The following KIAA0825 variants were observed in gnomAD, a reference collection of about 807,000 sequenced individuals.
The protein encoded by KIAA0825 is uncharacterized protein KIAA0825.
In KIAA0825, 119 loss-of-function variants were observed where a neutral mutation model predicts 147.6. The observed-to-expected ratio is 0.81, with a 90% CI of 0.69 to 0.94. KIAA0825 has a LOEUF of 0.94. KIAA0825 is among the 40% of genes least tolerant of loss of function. KIAA0825 has a pLI of 0.00. For synonymous variants in KIAA0825, 470 were observed against 518.1 expected (o/e 0.91, Z 1.26); for missense variants, 1,381 against 1,472.7 (o/e 0.94, Z 1.02).
chr5:94,370,881 G>A (rs1584285499), intron 20 of KIAA0825, among the ~76,000 whole-genome samples: 1 of 152,200 alleles, frequency 6.6e-6, no homozygotes, highest in South Asian at 2.1e-4. Flanking sequence ...CTGCACTCCA[G>A]CTTGGGCGAC....
intron 3 of KIAA0825, among the ~76,000 whole-genome samples, chr5:94,529,357 TATATC>T (rs1770231215): frequency 1.4e-5 from 2 of 146,190 alleles, no homozygotes; most frequent in East Asian, 1.9e-4. Flanking sequence ...CATATATGTA[TATATC>T]ATATATGTAT....
chr5:94,176,976 C>T (rs1442380930), intron 20 of KIAA0825, among the ~76,000 whole-genome samples: 1 of 152,030 alleles, frequency 6.6e-6, no homozygotes, highest in Non-Finnish European at 1.5e-5. Flanking sequence ...TATTTAAAAG[C>T]ACAACAGGGA....
chr5:94,550,356 G>A (rs1186146125), intron 2 of KIAA0825, among the ~76,000 whole-genome samples: 2 of 152,192 alleles, frequency 1.3e-5, no homozygotes, highest in South Asian at 2.1e-4. Flanking sequence ...ACTGAACATA[G>A]ATTACACTAC....
intron 20 of KIAA0825, among the ~76,000 whole-genome samples, chr5:94,331,367 T>C (rs1015879389): frequency 6.6e-6 from 1 of 152,150 alleles, no homozygotes; most frequent in Non-Finnish European, 1.5e-5. Flanking sequence ...AAACAACTCA[T>C]TCAAGAAGTA....
chr5:94,194,392 T>C (rs369953990), intron 20 of KIAA0825, among the ~76,000 whole-genome samples: 4 of 152,132 alleles, frequency 2.6e-5, no homozygotes, highest in African/African-American at 7.2e-5. Flanking sequence ...TCTCTCTCAC[T>C]GGGATCTCAC....
Position 94,151,144 on chromosome 5 carries a change from G to A in KIAA0825, c.*2863C>T, listed in dbSNP as rs563200060. On this transcript the variant is annotated 3_prime_UTR_variant, in exon 21 of 21. Coordinates refer to ENST00000682413, the MANE Select transcript of KIAA0825 (RefSeq NM_001145678.3). ...TATACTTAAAAAAACATGGCCGGGC[G>A]CGGTGGCTCACGCCTGTAATCCCAG... Among the ~76,000 whole-genome samples the A allele has an allele frequency of 4.6e-5, 7 of 152,088 alleles. No individual in the cohort carries two copies. In the South Asian group the frequency reaches 1.2e-3, roughly 27 times the overall value.
intron 20 of KIAA0825, among the ~76,000 whole-genome samples, chr5:94,159,098 TTACCTCATGGTCCCA>T (rs1483039790): frequency 1.2e-4 from 19 of 152,144 alleles, no homozygotes; most frequent in African/African-American, 3.9e-4. Context: ...CTCTTGTCCT[TTACCTCATGGTCCCA>T]ATACAGTTGT....
intron 2 of KIAA0825, chr5:94,569,746 C>A: frequency 3.5e-6 from 1 of 282,420 alleles, no homozygotes; most frequent in South Asian, 1.5e-4. Context: ...TCGCCCACAT[C>A]ACCTGAGACG....
At chr5:94,171,514 G>A (rs1469360713) in intron 20 of KIAA0825, among the ~76,000 whole-genome samples, 1 of 152,124 alleles carries the variant, frequency 6.6e-6, no homozygotes, top group Non-Finnish European at 1.5e-5. Flanking sequence ...TGTTTATCAT[G>A]TTTACCACAT....
intron 20 of KIAA0825, among the ~76,000 whole-genome samples, chr5:94,286,789 C>T (rs989727196): frequency 2.0e-5 from 3 of 152,216 alleles, no homozygotes; most frequent in Non-Finnish European, 2.9e-5. Context: ...TTGTGCCACA[C>T]GGAGCTGTCT....
In KIAA0825 at chr5:94,473,325, A is replaced by C. The variant is rs1016237532; in HGVS notation, c.1422T>G (p.Phe474Leu). Residue 474 changes from phenylalanine to leucine, a missense_variant, in exon 8 of 21, where the codon TTT becomes TTG. Transcript: ENST00000682413. ...TTTTCTTTGGTTGTTCCTCCTCAGG[A>C]AACATATGGCTGTCTTGCCAAACTT... Reference protein sequence around the residue: ...VQQVWQDSHMFPEEEQPKKIG... With the variant: ...VQQVWQDSHMLPEEEQPKKIG... The C allele has an allele frequency of 6.4e-7, 1 of 1,551,826 alleles. No homozygotes were observed. The highest frequency in any genetic ancestry group is 1.4e-5 in the African/African-American group (1 of 73,176).
At position 94,512,827 on chromosome 5, in the gene KIAA0825, C is replaced by T. The variant is rs939745338; in HGVS notation, c.970+7421G>A. ...AGGAGAATCGCTTTTACCTGGGAGG[C>T]GAAGGTTGCAGTGAGCTGAGATCGC... On this transcript the variant is annotated intron_variant, in intron 5 of 20. Transcript: ENST00000682413. 5.3e-5 allele frequency among the ~76,000 whole-genome samples: 8 copies of T among 152,024 alleles called. No individual in the cohort carries two copies. In the South Asian group the frequency reaches 1.0e-3, roughly 20 times the overall value.
At position 94,602,300 on chromosome 5, in the gene KIAA0825, G is replaced by A. The variant is rs150229117; in HGVS notation, c.-153+16200C>T. Among the ~76,000 whole-genome samples, 988 of 151,886 alleles carry A rather than the reference G, an allele frequency of 6.5e-3. 30 individuals carry two copies. The highest frequency in any genetic ancestry group is 0.041 in the East Asian group (210 of 5,158). On this transcript the variant is annotated intron_variant, in intron 1 of 20. Coordinates refer to ENST00000682413, the MANE Select transcript of KIAA0825 (RefSeq NM_001145678.3). ...TGGGAGGCGGAGCTTGCAGTGAGCC[G>A]AGATCGTGCCACTGCACTCCAGCCT...
chr5:94,403,933 T>C, intron 15 of KIAA0825, 140 bp from the exon 16 acceptor site: 1 of 636,818 alleles, frequency 1.6e-6, no homozygotes, highest in Non-Finnish European at 2.7e-6. Flanking sequence ...AATCATATGA[T>C]TGATAACCAC....
rs956556612 is a variant in KIAA0825 at position 94,496,599 on chromosome 5, C to T, written c.971-11669G>A. ...TGTACCCATATCCTTCGAATGCACCCGTGTGGCAGATGAACCTAAATGTGT... is the reference window on the plus strand; with the variant it reads ...TGTACCCATATCCTTCGAATGCACCTGTGTGGCAGATGAACCTAAATGTGT... On this transcript the variant is annotated intron_variant, in intron 5 of 20. Coordinates refer to ENST00000682413, the MANE Select transcript of KIAA0825 (RefSeq NM_001145678.3). Among the ~76,000 whole-genome samples, 65 of 152,124 alleles carry T rather than the reference C, an allele frequency of 4.3e-4. 1 individual carries two copies. Among genetic ancestry groups the T allele is most frequent in the Non-Finnish European group, 2.9e-5 (2 of 68,022 alleles).
At chr5:94,600,449 A>G (rs1200497444) in intron 1 of KIAA0825, among the ~76,000 whole-genome samples, 2 of 151,578 alleles carry the variant, frequency 1.3e-5, no homozygotes, top group Admixed American at 1.3e-4. Context: ...CCTTATGTGT[A>G]TATATATATT....
chr5:94,441,936 A>C (rs959717614), intron 13 of KIAA0825, among the ~76,000 whole-genome samples: 3 of 152,168 alleles, frequency 2.0e-5, no homozygotes, highest in African/African-American at 7.2e-5. Flanking sequence ...AAGTTTACAC[A>C]TTTCAGCACT....
intron 20 of KIAA0825, among the ~76,000 whole-genome samples, chr5:94,290,618 G>A (rs550485106): frequency 3.9e-5 from 6 of 152,240 alleles, no homozygotes; most frequent in Non-Finnish European, 2.9e-5. Flanking sequence ...CTTTATAATA[G>A]AATGATTTAT....
At chr5:94,477,064 A>G in intron 7 of KIAA0825, 47 bp downstream of exon 7, 1 of 1,273,350 alleles carries the variant, frequency 7.9e-7, no homozygotes, top group Non-Finnish European at 1.1e-6. Flanking sequence ...CAGGCATATG[A>G]TGATATTATA....
Sources: allele counts gnomAD v4.1 joint callset (sites outside exome capture counted in the v4.1 genomes callset), GRCh38; gene constraint gnomAD v4.1.1; transcripts MANE v1.5; gene names NCBI Gene and HGNC (gene_info 2026-07-23, HGNC 2026-07-21).